RTTN: variants seen among roughly 807,000 people sequenced by gnomAD.
The protein encoded by RTTN is rotatin.
RTTN carries 182 observed loss-of-function variants against 269.2 expected under a neutral mutation model. The ratio of observed to expected loss-of-function variants is 0.68; its 90% CI spans 0.60 to 0.76. The LOEUF is 0.76. Ranked by LOEUF, RTTN falls within the 30% of genes least tolerant of loss-of-function variation. The pLI is 0.00. For synonymous variants in RTTN, 1,006 were observed against 963.5 expected (o/e 1.04, Z -0.82); for missense variants, 2,545 against 2,608.6 (o/e 0.98, Z 0.53).
chr18:70,186,784 C>T (rs2061556366), intron 10 of RTTN, among the ~76,000 whole-genome samples: 1 of 152,154 alleles, frequency 6.6e-6, no homozygotes, highest in Non-Finnish European at 1.5e-5. Context: ...AAACCAAATA[C>T]ACATATTCTC....
intron 25 of RTTN, among the ~76,000 whole-genome samples, chr18:70,122,499 A>T (rs1478159769): frequency 1.7e-4 from 26 of 152,180 alleles, no homozygotes; most frequent in Admixed American, 1.7e-3. Context: ...ACCTTGTGCC[A>T]GCCTATGTTC....
At chr18:70,059,818 A>C in intron 36 of RTTN, 32 bp downstream of exon 36, 5 of 1,416,232 alleles carry the variant, frequency 3.5e-6, no homozygotes, top group Non-Finnish European at 4.8e-6. Context: ...TATCTCAACT[A>C]ACATGCCTCT....
intron 34 of RTTN, 79 bp from the exon 35 acceptor site, chr18:70,066,001 C>A: frequency 1.1e-6 from 1 of 878,864 alleles, no homozygotes; most frequent in Non-Finnish European, 1.7e-6. Context: ...CACAAGATAT[C>A]CTTAAACAAG....
chr18:70,123,458 TA>T (rs1328156086), intron 25 of RTTN, among the ~76,000 whole-genome samples: 2 of 152,138 alleles, frequency 1.3e-5, no homozygotes, highest in African/African-American at 4.8e-5. Context: ...TGGAATTTTG[TA>T]ACCTCTCAGC....
At chr18:70,084,490 G>A (rs2058652101) in intron 32 of RTTN, among the ~76,000 whole-genome samples, 1 of 151,976 alleles carries the variant, frequency 6.6e-6, no homozygotes, top group South Asian at 2.1e-4. Flanking sequence ...CAACCATCTT[G>A]TTTCCTTCTT....
chr18:70,023,664 C>A (rs1427065366), intron 44 of RTTN, among the ~76,000 whole-genome samples: 2 of 152,166 alleles, frequency 1.3e-5, no homozygotes, highest in Non-Finnish European at 2.9e-5. Flanking sequence ...CTGTCTACTT[C>A]TCTCAATCTC....
chr18:70,027,671 C>T (rs961859548), intron 43 of RTTN, among the ~76,000 whole-genome samples: 2 of 152,108 alleles, frequency 1.3e-5, no homozygotes, highest in Admixed American at 6.5e-5. Flanking sequence ...TACATCCAGT[C>T]ACAAGCATAA....
rs746037924 is a variant in RTTN, at chr18:70,150,708, G to A, written c.1955C>T (p.Thr652Ile). 6.2e-7 allele frequency: 1 copy of A among 1,605,672 alleles called. No homozygotes were observed. The highest frequency in any genetic ancestry group is 1.1e-5 in the South Asian group (1 of 90,800). Residue 652 changes from threonine (T) to isoleucine (I), a missense_variant, in exon 15 of 49, where the codon ACT (threonine) becomes ATT (isoleucine). Coordinates refer to ENST00000640769, the MANE Select transcript of RTTN (RefSeq NM_173630.4). ...ATTGCAAAGTGAAGACACGGGTTTA[G>A]TGACATTATGGACACCTAAACATTC... is the stretch of plus-strand genomic sequence containing the variant. ...TKECLGVHNV[T>I]KPVSSLCNGI... is the part of the protein sequence containing the mutation.
chr18:70,133,035 C>G (rs191454523), intron 23 of RTTN, among the ~76,000 whole-genome samples: 1 of 150,978 alleles, frequency 6.6e-6, no homozygotes. Flanking sequence ...TAGGAATAAA[C>G]TATAAATGCA....
chr18:70,115,376 T>C (rs2059577640), intron 26 of RTTN, among the ~76,000 whole-genome samples: 1 of 151,808 alleles, frequency 6.6e-6, no homozygotes, highest in African/African-American at 2.4e-5. Context: ...TTTTCCTCTT[T>C]TCCCAACTAA....
chr18:70,184,592 T>C (rs2061490875), intron 10 of RTTN, among the ~76,000 whole-genome samples: 1 of 151,186 alleles, frequency 6.6e-6, no homozygotes, highest in South Asian at 2.1e-4. Flanking sequence ...GCTAAACAAG[T>C]GAAGACATAT....
At chr18:70,199,628 A>C in intron 4 of RTTN, 124 bp from the exon 5 acceptor site, 1 of 602,722 alleles carries the variant, frequency 1.7e-6, no homozygotes, top group East Asian at 3.0e-5. Flanking sequence ...ACAGTAACCT[A>C]AAATATACCA....
chr18:70,201,762 C>A (rs1006030808), intron 4 of RTTN, 132 bp downstream of exon 4: 126 of 609,698 alleles, frequency 2.1e-4, no homozygotes, highest in Non-Finnish European at 3.4e-4. Flanking sequence ...CTTGAAACAA[C>A]TAAAACATTT....
Position 70,136,910 on chromosome 18 carries a change from GT to G in RTTN, c.2789-1631del, listed in dbSNP as rs139657536. Among the ~76,000 whole-genome samples, 616 of 152,078 alleles carry G rather than the reference GT, an allele frequency of 4.1e-3. 4 individuals are homozygous for G. The highest frequency in any genetic ancestry group is 0.014 in the African/African-American group (577 of 41,498). ...CAACACCAGTGCAGTAGTTTTTAGG[GT>G]TTTTTAAAGAATGTATACTCACATG... On this transcript the variant is annotated intron_variant, in intron 21 of 48. Coordinates refer to ENST00000640769, the MANE Select transcript of RTTN (RefSeq NM_173630.4).
intron 3 of RTTN, 135 bp from the exon 4 acceptor site, chr18:70,202,118 T>C: frequency 5.3e-6 from 3 of 562,352 alleles, no homozygotes; most frequent in South Asian, 2.6e-5. Flanking sequence ...CAGTTTTTTT[T>C]CTGAATGATC....
chr18:70,068,406 AGTCCAGAACTGCAT>A (rs1245915320), intron 34 of RTTN, among the ~76,000 whole-genome samples: 2 of 152,214 alleles, frequency 1.3e-5, no homozygotes, highest in Non-Finnish European at 2.9e-5. Flanking sequence ...TAGGATTCTC[AGTCCAGAACTGCAT>A]TCATGACAGC....
intron 32 of RTTN, among the ~76,000 whole-genome samples, chr18:70,078,265 G>A (rs151189339): frequency 6.6e-5 from 10 of 152,018 alleles, no homozygotes; most frequent in African/African-American, 2.4e-4. Flanking sequence ...ATTCTTGGGA[G>A]GAACAATCTT....
intron 23 of RTTN, chr18:70,130,444 A>T (rs2059969832): frequency 6.6e-6 from 1 of 152,062 alleles, no homozygotes; most frequent in South Asian, 2.1e-4. Flanking sequence ...AGTATCATTC[A>T]GATGTAAAAA....
chr18:70,080,234 G>A (rs1239536262), intron 32 of RTTN, among the ~76,000 whole-genome samples: 1 of 152,054 alleles, frequency 6.6e-6, no homozygotes, highest in Non-Finnish European at 1.5e-5. Context: ...TTCACTCACA[G>A]GACATAGAAG....
Sources: allele counts gnomAD v4.1 joint callset (sites outside exome capture counted in the v4.1 genomes callset), GRCh38; gene constraint gnomAD v4.1.1; transcripts MANE v1.5; gene names NCBI Gene and HGNC (gene_info 2026-07-23, HGNC 2026-07-21).